ASB3: variants seen among roughly 807,000 people sequenced by gnomAD.
ASB3 encodes the protein ankyrin repeat and SOCS box protein 3.
ASB3 carries 41 observed loss-of-function variants against 54.5 expected under a neutral mutation model. The ratio of observed to expected loss-of-function variants is 0.75; its 90% CI spans 0.59 to 0.98. The LOEUF is 0.98. ASB3 is among the 50% of genes least tolerant of loss of function. The probability of loss-of-function intolerance (pLI) is 0.00; values close to 1 mark genes in which losing one functional copy is unlikely to be tolerated. For synonymous variants in ASB3, 266 were observed against 221.2 expected (o/e 1.20, Z -1.80); for missense variants, 733 against 620.0 (o/e 1.18, Z -1.94).
In ASB3 at chr2:53,728,835, T is replaced by C; in HGVS notation, c.481A>G (p.Ile161Val). 2 of 1,605,408 alleles carry C rather than the reference T, an allele frequency of 1.2e-6. No individual in the cohort carries two copies. The highest frequency in any genetic ancestry group is 1.3e-5 in the African/African-American group (1 of 74,682). The change falls in exon 5 of 10, where the codon ATC (isoleucine) becomes GTC (valine). Residue 161 changes from isoleucine to valine, a missense_variant. Physicochemically the swap from Ile to Val is conservative, Grantham distance 29 (BLOSUM62 3). Coordinates refer to ENST00000263634, the MANE Select transcript of ASB3 (RefSeq NM_016115.5). The stretch of plus-strand genomic sequence containing the variant: ...CCTTTTCTAAGAAGCAATTTTATGA[T>C]CTCAGCATTTTCCTAAAGCACAGAT... ...HQASFQENAE[I>V]IKLLLRKGAN...
At chr2:53,767,860 C>T (rs749938453) in intron 1 of ASB3, 30 of 1,589,364 alleles carry the variant, frequency 1.9e-5, no homozygotes, top group Non-Finnish European at 2.5e-5. Context: ...GGGTTCACGG[C>T]CACTGGGGCA....
chr2:53,728,219 T>C (rs183252764), intron 5 of ASB3, among the ~76,000 whole-genome samples: 8 of 152,320 alleles, frequency 5.3e-5, no homozygotes, highest in Non-Finnish European at 7.4e-5. Flanking sequence ...CTGGCAATGC[T>C]GAATGTGGAA....
chr2:53,760,548 G>C (rs940633413), intron 2 of ASB3, among the ~76,000 whole-genome samples: 1 of 152,086 alleles, frequency 6.6e-6, no homozygotes, highest in Admixed American at 6.6e-5. Context: ...AAATAGAATG[G>C]GGAACCTCAA....
intron 9 of ASB3, among the ~76,000 whole-genome samples, chr2:53,686,935 G>A (rs2103695024): frequency 6.6e-6 from 1 of 152,270 alleles, no homozygotes; most frequent in African/African-American, 2.4e-5. Context: ...TGTCAGGCTG[G>A]TCTCGAACTC....
intron 1 of ASB3, among the ~76,000 whole-genome samples, chr2:53,779,129 T>C (rs1159983727): frequency 6.6e-6 from 1 of 152,242 alleles, no homozygotes; most frequent in Admixed American, 6.5e-5. Context: ...ATTTCCCTGA[T>C]GATTAGTAAT....
intron 9 of ASB3, among the ~76,000 whole-genome samples, chr2:53,678,463 C>T (rs529208368): frequency 8.4e-4 from 128 of 152,314 alleles, no homozygotes; most frequent in African/African-American, 3.0e-3. Context: ...TACTTCTTTA[C>T]AGAAATCGTT....
At position 53,716,597 on chromosome 2, in the gene ASB3, T is replaced by G; in HGVS notation, c.751A>C (p.Ile251Leu). 6.2e-7 allele frequency: 1 copy of G among 1,613,810 alleles called. No individual in the cohort carries two copies. Among genetic ancestry groups the G allele is most frequent in the African/African-American group, 1.3e-5 (1 of 75,060 alleles). The change falls in exon 6 of 10, where the codon ATT becomes CTT. Residue 251 changes from isoleucine to leucine, a missense_variant. Ile to Leu is a conservative substitution (Grantham distance 5, BLOSUM62 2). Transcript: ENST00000263634. ...TGGCCCATTTGTGCAGCTGCATGAA[T>G]AGGTAACTGCCAACTGTCCTCATTA... ...YCNEDSWQLP[I>L]HAAAQMGHTK...
At chr2:53,734,994 A>C (rs1291069002) in intron 3 of ASB3, among the ~76,000 whole-genome samples, 1 of 143,978 alleles carries the variant, frequency 6.9e-6, no homozygotes, top group Non-Finnish European at 1.5e-5. Context: ...ATCTTGGCTC[A>C]CTACAACCTC....
intron 9 of ASB3, among the ~76,000 whole-genome samples, chr2:53,677,150 G>A (rs1364305900): frequency 6.6e-6 from 1 of 152,184 alleles, no homozygotes; most frequent in Non-Finnish European, 1.5e-5. Flanking sequence ...ATAGTATTCA[G>A]CACAGTAACA....
At chr2:53,768,023 T>G (rs1573002192) in intron 1 of ASB3, 1 of 1,613,040 alleles carries the variant, frequency 6.2e-7, no homozygotes, top group South Asian at 1.1e-5. Context: ...CCCGGCAAGG[T>G]GAGGCGCCGG....
chr2:53,707,014 C>G (rs10190578), intron 7 of ASB3, among the ~76,000 whole-genome samples: 30,139 of 152,034 alleles, frequency 0.2, 3,618 homozygotes, highest in African/African-American at 0.34. Context: ...CCCTGCCCAG[C>G]TCTTCTTTTG....
intron 9 of ASB3, among the ~76,000 whole-genome samples, chr2:53,692,516 T>C (rs947353553): frequency 1.3e-5 from 2 of 152,138 alleles, no homozygotes; most frequent in African/African-American, 2.4e-5. Flanking sequence ...ATGATGATTA[T>C]TACCCTACAC....
chr2:53,760,012 C>G (rs1673054849), intron 2 of ASB3, among the ~76,000 whole-genome samples: 2 of 152,218 alleles, frequency 1.3e-5, no homozygotes, highest in African/African-American at 4.8e-5. Flanking sequence ...AGATCTGTCA[C>G]TATCTGAGGG....
chr2:53,768,962 G>C (rs1432591862), intron 1 of ASB3, among the ~76,000 whole-genome samples: 1 of 152,214 alleles, frequency 6.6e-6, no homozygotes, highest in South Asian at 2.1e-4. Flanking sequence ...AGAGACATGG[G>C]ATTAAAATCA....
Position 53,767,879 on chromosome 2 carries a change from G to T in ASB3, c.-13-2294C>A. On this transcript the variant is annotated intron_variant, in intron 1 of 9. Coordinates refer to ENST00000263634, the MANE Select transcript of ASB3 (RefSeq NM_016115.5). ...TCACGGCCACTGGGGCAGAGGAGCC[G>T]CGAGAAGATGTGGGTTTTTGGTTAC... is the stretch of plus-strand genomic sequence containing the variant. 3 of 1,603,970 alleles carry T rather than the reference G, an allele frequency of 1.9e-6. No individual in the cohort carries two copies. In the South Asian group the frequency reaches 3.3e-5, roughly 18 times the overall value.
intron 7 of ASB3, among the ~76,000 whole-genome samples, chr2:53,707,935 C>A (rs1669877594): frequency 6.9e-6 from 1 of 145,048 alleles, no homozygotes; most frequent in Admixed American, 7.1e-5. Context: ...GCCCTCCAGC[C>A]TGGGTGATAG....
chr2:53,712,761 C>T (rs968210025), intron 7 of ASB3, among the ~76,000 whole-genome samples: 4 of 152,142 alleles, frequency 2.6e-5, no homozygotes, highest in East Asian at 1.9e-4. Context: ...CACACACACA[C>T]ACACACAGGC....
chr2:53,749,124 A>C (rs1044669905), intron 3 of ASB3, among the ~76,000 whole-genome samples: 2 of 152,130 alleles, frequency 1.3e-5, no homozygotes, highest in African/African-American at 2.4e-5. Flanking sequence ...ATAAGTCTGA[A>C]ATTATTTCAA....
rs764300790 is a variant in ASB3 at position 53,716,632 on chromosome 2, T to A, written c.716A>T (p.Asp239Val). 3.1e-6 allele frequency: 5 copies of A among 1,614,198 alleles called. No individual in the cohort carries two copies. The South Asian group carries it at 5.5e-5, about 18-fold the overall frequency. Residue 239 changes from aspartate (D) to valine (V), a missense_variant, in exon 6 of 10, where the codon GAT (aspartate) becomes GTT (valine). Asp to Val is a radical substitution (Grantham distance 152, BLOSUM62 -3). Transcript: ENST00000263634. ...ELLLSSGADP[D>V]LYCNEDSWQL... ...CCAACTGTCCTCATTACAGTAAAGATCAGGATCTGCCCCACTGGAGAGCAA... is the reference window on the plus strand; with the variant it reads ...CCAACTGTCCTCATTACAGTAAAGAACAGGATCTGCCCCACTGGAGAGCAA...
Sources: gnomAD v4.1 joint callset for allele counts (sites outside exome capture counted in the v4.1 genomes callset) on GRCh38, gnomAD v4.1.1 for gene constraint, MANE v1.5 for transcripts, NCBI Gene and HGNC (gene_info 2026-07-23, HGNC 2026-07-21) for gene names.